PAK5: variants seen among roughly 807,000 people sequenced by gnomAD.
The protein encoded by PAK5 is serine/threonine-protein kinase PAK 5.
PAK5 carries 16 observed loss-of-function variants against 65.9 expected under a neutral mutation model. The observed-to-expected ratio is 0.24, with a 90% CI of 0.16 to 0.37. The LOEUF (loss-of-function observed/expected upper bound fraction) is 0.37, where lower values mean the gene tolerates loss of function less well. Ranked by LOEUF, PAK5 falls within the 10% of genes least tolerant of loss-of-function variation. The pLI is 1.00. For missense variants in PAK5, 785 were observed against 903.9 expected (o/e 0.87, Z 1.69); for synonymous variants, 371 against 354.9 (o/e 1.05, Z -0.51).
chr20:9,639,603 A>G (rs557661391), intron 3 of PAK5, among the ~76,000 whole-genome samples: 1 of 152,218 alleles, frequency 6.6e-6, no homozygotes, highest in Non-Finnish European at 1.5e-5. Context: ...TATACTTGAG[A>G]TGTATCTTCC....
At chr20:9,685,537 A>G (rs935366140) in intron 2 of PAK5, among the ~76,000 whole-genome samples, 1 of 152,146 alleles carries the variant, frequency 6.6e-6, no homozygotes, top group Non-Finnish European at 1.5e-5. Context: ...TGTGGAACAG[A>G]TTTTTTCCCT....
intron 1 of PAK5, among the ~76,000 whole-genome samples, chr20:9,811,957 A>G (rs1230284775): frequency 6.6e-6 from 1 of 152,134 alleles, no homozygotes; most frequent in African/African-American, 2.4e-5. Context: ...TATTCTCATA[A>G]AGAAAATGAA....
chr20:9,587,821 C>T (rs1020937921), intron 3 of PAK5, among the ~76,000 whole-genome samples: 19 of 151,916 alleles, frequency 1.3e-4, no homozygotes, highest in African/African-American at 4.6e-4. Flanking sequence ...AAAAGTTAGA[C>T]TGAGGTATGC....
intron 4 of PAK5, among the ~76,000 whole-genome samples, chr20:9,577,900 G>T (rs550899132): frequency 6.6e-6 from 1 of 152,134 alleles, no homozygotes; most frequent in Non-Finnish European, 1.5e-5. Context: ...CATTGTTTCT[G>T]GGCTGGCAGA....
chr20:9,710,579 C>A (rs1332558054), intron 2 of PAK5, among the ~76,000 whole-genome samples: 1 of 152,126 alleles, frequency 6.6e-6, no homozygotes, highest in Non-Finnish European at 1.5e-5. Flanking sequence ...TCAGCAGTAT[C>A]TTTTATGTGG....
intron 2 of PAK5, among the ~76,000 whole-genome samples, chr20:9,703,818 G>GCTC (rs2123469162): frequency 6.6e-6 from 1 of 152,224 alleles, no homozygotes; most frequent in East Asian, 1.9e-4. Flanking sequence ...CAGTGGATAG[G>GCTC]CTATTTCCCC....
chr20:9,735,515 A>G (rs1476093155), intron 1 of PAK5, among the ~76,000 whole-genome samples: 1 of 152,190 alleles, frequency 6.6e-6, no homozygotes, highest in Non-Finnish European at 1.5e-5. Flanking sequence ...GAAAGGCCGA[A>G]GATCCGTGGA....
At chr20:9,580,102 G>A in intron 4 of PAK5, 43 bp downstream of exon 4, 1 of 1,521,928 alleles carries the variant, frequency 6.6e-7, no homozygotes, top group South Asian at 1.2e-5. Flanking sequence ...CACCCCTGTG[G>A]AGGTTTTTGC....
chr20:9,539,924 A>C (rs945382355), intron 9 of PAK5, among the ~76,000 whole-genome samples: 1 of 152,226 alleles, frequency 6.6e-6, no homozygotes, highest in Non-Finnish European at 1.5e-5. Context: ...TAGTATGTGC[A>C]GGTGCTGGTC....
intron 3 of PAK5, among the ~76,000 whole-genome samples, chr20:9,599,102 T>G (rs988591324): frequency 6.6e-6 from 1 of 152,214 alleles, no homozygotes; most frequent in Non-Finnish European, 1.5e-5. Context: ...CTTCCCCATA[T>G]AAGTGAAATC....
chr20:9,598,250 G>C (rs1048625491), intron 3 of PAK5, among the ~76,000 whole-genome samples: 5 of 152,110 alleles, frequency 3.3e-5, no homozygotes, highest in East Asian at 1.9e-4. Flanking sequence ...GAGGATGATG[G>C]CTTCCAGCTT....
chr20:9,767,288 T>A (rs555333740), intron 1 of PAK5, among the ~76,000 whole-genome samples: 1 of 152,332 alleles, frequency 6.6e-6, no homozygotes, highest in South Asian at 2.1e-4. Flanking sequence ...TTTAAGTGAA[T>A]AATGTTCAAT....
intron 7 of PAK5, among the ~76,000 whole-genome samples, chr20:9,557,183 T>C (rs565754834): frequency 1.3e-5 from 2 of 152,298 alleles, no homozygotes; most frequent in African/African-American, 4.8e-5. Context: ...AACTGTCCTT[T>C]ATTACACCAT....
In PAK5 at chr20:9,566,399, A is replaced by G. The variant is rs1603214455; in HGVS notation, c.991-15T>C. On this transcript the variant is annotated splice_polypyrimidine_tract_variant and intron_variant, in intron 4 of 9. Coordinates refer to ENST00000353224, the MANE Select transcript of PAK5 (RefSeq NM_177990.4). ...TCGTAATCCACCTGGGAAGACAGAC[A>G]TGGATAGAGAATATTCACATGCTGG... is the stretch of plus-strand genomic sequence containing the variant. The G allele has an allele frequency of 6.2e-7, 1 of 1,607,996 alleles. No homozygotes were observed.
At chr20:9,681,099 T>C (rs1449129861) in intron 2 of PAK5, among the ~76,000 whole-genome samples, 2 of 152,238 alleles carry the variant, frequency 1.3e-5, no homozygotes, top group East Asian at 3.8e-4. Context: ...AGAATCGTTA[T>C]ATCTTTCTGG....
At chr20:9,611,353 A>G (rs2046556292) in intron 3 of PAK5, among the ~76,000 whole-genome samples, 1 of 152,162 alleles carries the variant, frequency 6.6e-6, no homozygotes, top group African/African-American at 2.4e-5. Flanking sequence ...CCCCACCCAA[A>G]CTGCCATTCC....
At chr20:9,740,078 T>A (rs1054925709) in intron 1 of PAK5, among the ~76,000 whole-genome samples, 1 of 152,168 alleles carries the variant, frequency 6.6e-6, no homozygotes, top group South Asian at 2.1e-4. Flanking sequence ...AATTTCCAAA[T>A]GTGGAGTCTA....
chr20:9,789,803 T>C (rs1486252432), intron 1 of PAK5, among the ~76,000 whole-genome samples: 1 of 152,148 alleles, frequency 6.6e-6, no homozygotes, highest in Non-Finnish European at 1.5e-5. Flanking sequence ...CCTCCAGTGA[T>C]GGTTACAAAG....
chr20:9,776,512 G>GA (rs2048888586), intron 1 of PAK5, among the ~76,000 whole-genome samples: 1 of 152,192 alleles, frequency 6.6e-6, no homozygotes, highest in South Asian at 2.1e-4. Flanking sequence ...TCCTAGGTGT[G>GA]AACTGGACTT....
Sources: allele counts gnomAD v4.1 joint callset (sites outside exome capture counted in the v4.1 genomes callset), GRCh38; gene constraint gnomAD v4.1.1; transcripts MANE v1.5; gene names NCBI Gene and HGNC (gene_info 2026-07-23, HGNC 2026-07-21).